The following MYO15A variants were observed in gnomAD, a reference collection of about 807,000 sequenced individuals.
MYO15A encodes the protein myosin XVA.
Under a neutral mutation model 394.6 loss-of-function variants are expected in MYO15A, and 308 were observed. The ratio of observed to expected loss-of-function variants is 0.78; its 90% CI spans 0.71 to 0.86. MYO15A has a LOEUF of 0.86. MYO15A is among the 40% of genes least tolerant of loss of function. MYO15A has a pLI of 0.00. For missense variants in MYO15A, 4,606 were observed against 4,799.1 expected (o/e 0.96, Z 1.19); for synonymous variants, 1,957 against 2,003.8 (o/e 0.98, Z 0.62).
Position 18,153,802 on chromosome 17 carries a change from C to T in MYO15A, c.7994C>T (p.Pro2665Leu), listed in dbSNP as rs1377502929. ...CTGCCCTCGCGATCGCTGGAGCCCC[C>T]TGAGGAACTCACGCAGACGCGGCTG... ...SALPSRSLEP[P>L]EELTQTRLHR... Residue 2665 changes from proline (P) to leucine (L), a missense_variant, in exon 43 of 66, where the codon CCT becomes CTT. Physicochemically the swap from Pro to Leu is moderately conservative, Grantham distance 98 (BLOSUM62 -3). Transcript: ENST00000647165. This position sits in a 1 kb window ranked among gnomAD's most constrained non-coding sequence, Gnocchi z 4.1. 2 of 1,613,718 alleles carry T rather than the reference C, an allele frequency of 1.2e-6. No homozygotes were observed. The highest frequency in any genetic ancestry group is 1.7e-6 in the Non-Finnish European group (2 of 1,180,032).
At chr17:18,141,581 A>G (rs2046382122) in intron 22 of MYO15A, 72 bp from the exon 23 acceptor site, 1 of 1,424,364 alleles carries the variant, frequency 7.0e-7, no homozygotes, top group Non-Finnish European at 9.9e-7. Flanking sequence ...GGCTGGGGGC[A>G]GTAACCCCAT....
Position 18,121,840 on chromosome 17 carries a change from G to GA in MYO15A, c.3042dup (p.Glu1015ArgfsTer55). The GA allele has an allele frequency of 6.2e-7, 1 of 1,612,854 alleles. No homozygotes were observed. The highest frequency in any genetic ancestry group is 8.5e-7 in the Non-Finnish European group (1 of 1,179,920). On this transcript the variant is annotated frameshift_variant, in exon 2 of 66. Coordinates refer to ENST00000647165, the MANE Select transcript of MYO15A (RefSeq NM_016239.4). LOFTEE classifies it high-confidence loss of function. This position sits in a 1 kb window ranked among gnomAD's most constrained non-coding sequence, Gnocchi z 5.3. ...TGGCCCAACCCCTGAGAAGCCTGAAGAAGAGGCCACCCTGGGGGACCCCCA... is the reference window on the plus strand; with the variant it reads ...TGGCCCAACCCCTGAGAAGCCTGAAGAAAGAGGCCACCCTGGGGGACCCCCA...
At chr17:18,118,360 T>C (rs1235956205) in intron 1 of MYO15A, among the ~76,000 whole-genome samples, 2 of 152,180 alleles carry the variant, frequency 1.3e-5, no homozygotes, top group Non-Finnish European at 2.9e-5. Context: ...CAGGTGGCAT[T>C]CCATCTCTGT....
At position 18,121,453 on chromosome 17, in the gene MYO15A, C is replaced by T; in HGVS notation, c.2653C>T (p.Pro885Ser). Reference protein sequence around the residue: ...LSEPPTRAVKPQVRLPFHRPP... With the variant: ...LSEPPTRAVKSQVRLPFHRPP... ...CGAGCCACCCACTCGGGCTGTGAAG[C>T]CGCAAGTGCGCCTGCCCTTCCACCG... The change falls in exon 2 of 66, where the codon CCG (proline) becomes TCG (serine). Residue 885 changes from proline to serine, a missense_variant. By Grantham distance (74) the Pro-to-Ser change is moderately conservative. Transcript: ENST00000647165. The surrounding 1 kb of genome is among the most constrained non-coding windows in gnomAD (Gnocchi z 5.3). The T allele has an allele frequency of 6.5e-7, 1 of 1,548,696 alleles. No homozygotes were observed. The highest frequency in any genetic ancestry group is 1.2e-5 in the South Asian group (1 of 84,012).
At chr17:18,138,967 G>A (rs1435145964) in intron 18 of MYO15A, 31 bp downstream of exon 18, 4 of 1,600,288 alleles carry the variant, frequency 2.5e-6, no homozygotes, top group South Asian at 1.1e-5. Flanking sequence ...CCTGGACGCT[G>A]GTGCTGCAGT....
At position 18,148,238 on chromosome 17, in the gene MYO15A, G is replaced by A; in HGVS notation, c.6691+28G>A. The A allele has an allele frequency of 6.2e-7, 1 of 1,612,790 alleles. No homozygotes were observed. Among genetic ancestry groups the A allele is most frequent in the East Asian group, 2.2e-5 (1 of 44,878 alleles). On this transcript the variant is annotated intron_variant, in intron 31 of 65. Transcript: ENST00000647165. The surrounding 1 kb of genome is among the most constrained non-coding windows in gnomAD (Gnocchi z 4.8). Reference sequence around the variant, plus strand: ...AAGCTGCCTTCCCCCACCTCAGTGAGGGCAGTGGGAGTCAGCAGGGCCCAG... The same window carrying A: ...AAGCTGCCTTCCCCCACCTCAGTGAAGGCAGTGGGAGTCAGCAGGGCCCAG...
intron 62 of MYO15A, among the ~76,000 whole-genome samples, chr17:18,168,950 A>T (rs551815363): frequency 1.6e-4 from 21 of 134,582 alleles, no homozygotes; most frequent in African/African-American, 3.7e-4. Flanking sequence ...AAAAAAATTT[A>T]AAAAAAAAAA....
intron 19 of MYO15A, 79 bp from the exon 20 acceptor site, chr17:18,140,438 T>A (rs1255040913): frequency 2.6e-5 from 42 of 1,592,860 alleles, no homozygotes; most frequent in Non-Finnish European, 3.5e-5. Flanking sequence ...TCCGGAGATT[T>A]ACTCCTGCTC....
At chr17:18,136,715 G>A (rs927734217) in intron 15 of MYO15A, 29 bp downstream of exon 15, 2 of 1,568,844 alleles carry the variant, frequency 1.3e-6, no homozygotes, top group Non-Finnish European at 1.7e-6. Context: ...CTGAGGGGCG[G>A]GGGACATAGG....
At chr17:18,166,559 C>T in intron 61 of MYO15A, 38 bp downstream of exon 61, 2 of 1,606,530 alleles carry the variant, frequency 1.2e-6, no homozygotes, top group Non-Finnish European at 1.7e-6. Context: ...CTGGGACCTT[C>T]TAGGCTCCCC....
At chr17:18,165,722 A>C (rs908140179) in intron 60 of MYO15A, among the ~76,000 whole-genome samples, 15 of 152,252 alleles carry the variant, frequency 9.9e-5, no homozygotes, top group Non-Finnish European at 2.2e-4. Flanking sequence ...CCTGCCACAG[A>C]AGCTGTGACT....
rs753710398 is a variant in MYO15A at position 18,119,093 on chromosome 17, C to A, written c.293C>A (p.Ala98Glu). 1.9e-6 allele frequency: 3 copies of A among 1,611,630 alleles called. No homozygotes were observed. The highest frequency in any genetic ancestry group is 2.5e-6 in the Non-Finnish European group (3 of 1,179,536). ...TQMRMGKKKR[A>E]MKGKKPSFMV... ...ATGCGCATGGGCAAGAAGAAGCGGG[C>A]GATGAAGGGCAAGAAGCCGTCCTTC... The change falls in exon 2 of 66, where the codon GCG (alanine) becomes GAG (glutamate). Residue 98 changes from alanine (A) to glutamate (E), a missense_variant. This residue lies in a region of MYO15A where 1,830 missense variants were observed against 1,689.7 expected (regional missense o/e 1.08). Transcript: ENST00000647165.
Position 18,151,419 on chromosome 17 carries a change from G to T in MYO15A, c.7679G>T (p.Arg2560Leu). ...GCTTCACCCTCCCCAGAGCTGGTCC[G>T]GTACTCTACGCTCAACTCTGAGCAC... Reference protein sequence around the residue: ...ETTSPSPELVRYSTLNSEHFP... With the variant: ...ETTSPSPELVLYSTLNSEHFP... Residue 2560 changes from arginine (R) to leucine (L), a missense_variant, in exon 40 of 66, where the codon CGG (arginine) becomes CTG (leucine). This residue lies in a region of MYO15A where 2,776 missense variants were observed against 3,109.3 expected (regional missense o/e 0.89). Transcript: ENST00000647165. The T allele has an allele frequency of 6.2e-7, 1 of 1,614,166 alleles. No individual in the cohort carries two copies. Among genetic ancestry groups the T allele is most frequent in the Non-Finnish European group, 8.5e-7 (1 of 1,180,042 alleles).
In MYO15A at chr17:18,126,464, T is replaced by A. The variant is rs774982235; in HGVS notation, c.3866+8T>A. ...CCTGGGAGAGAATCCCCCGTGAGTG[T>A]CTCGGGGGCGCTGCCCTGGGGTCTC... is the stretch of plus-strand genomic sequence containing the variant. On this transcript the variant is annotated splice_region_variant and intron_variant, in intron 5 of 65. Transcript: ENST00000647165. The A allele has an allele frequency of 3.1e-6, 5 of 1,612,754 alleles. No individual in the cohort carries two copies. The highest frequency in any genetic ancestry group is 4.2e-6 in the Non-Finnish European group (5 of 1,179,356).
rs576083547 is a variant in MYO15A at position 18,149,360 on chromosome 17, G to T, written c.7101G>T (p.Gly2367=). ...ATGGGGAGACTGAGGCCCAAAGAGG[G>T]ACAGCAACCCACCAAGGTCAACCAA... The part of the protein sequence containing the change: ...GTNGETEAQR[G]TATHQESDSL... The change falls in exon 34 of 66, where the codon GGG becomes GGT. Residue 2367 remains glycine (G), a synonymous_variant. Coordinates refer to ENST00000647165, the MANE Select transcript of MYO15A (RefSeq NM_016239.4). 8 of 1,607,572 alleles carry T rather than the reference G, an allele frequency of 5.0e-6. No homozygotes were observed. The South Asian group carries it at 8.9e-5, about 18-fold the overall frequency.
chr17:18,170,897 G>A (rs1479988907), intron 62 of MYO15A, among the ~76,000 whole-genome samples: 1 of 152,170 alleles, frequency 6.6e-6, no homozygotes. Flanking sequence ...CTAATGGTGG[G>A]GGAACTAGAA....
chr17:18,113,082 C>A (rs1422698789), intron 1 of MYO15A, among the ~76,000 whole-genome samples: 1 of 152,068 alleles, frequency 6.6e-6, no homozygotes. Context: ...CTCCTGAGCT[C>A]AGGTAATCAG....
chr17:18,155,456 G>T, intron 47 of MYO15A, 24 bp downstream of exon 47: 1 of 1,592,894 alleles, frequency 6.3e-7, no homozygotes, highest in South Asian at 1.1e-5. Flanking sequence ...GTGAAGTGGG[G>T]CTGGCTGGAG....
rs1232414850 is a variant in MYO15A, at chr17:18,142,704, AC to A, written c.5826-49del. ...GCAAGGGCCTCTCTACCTTTTGGTC[AC>A]CCTGTCACCCTGTGGCCCCAATCCC... is the stretch of plus-strand genomic sequence containing the variant. On this transcript the variant is annotated intron_variant, in intron 24 of 65. Coordinates refer to ENST00000647165, the MANE Select transcript of MYO15A (RefSeq NM_016239.4). 20 of 1,525,606 alleles carry A rather than the reference AC, an allele frequency of 1.3e-5. 1 individual carries two copies. In the South Asian group the frequency reaches 2.0e-4, roughly 16 times the overall value. 94.5% of individuals were successfully genotyped at this position (1,525,606 alleles called of 1,614,324 possible).
Sources: allele counts gnomAD v4.1 joint callset (sites outside exome capture counted in the v4.1 genomes callset), GRCh38; gene constraint gnomAD v4.1.1; regional missense constraint gnomAD v4.1.1; non-coding constraint Gnocchi (gnomAD v3.1); transcripts MANE v1.5; gene names NCBI Gene and HGNC (gene_info 2026-07-23, HGNC 2026-07-21).